The following TRPC5 variants were observed in gnomAD, a reference collection of about 807,000 sequenced individuals.
TRPC5 encodes the protein short transient receptor potential channel 5.
Under a neutral mutation model 56.5 loss-of-function variants are expected in TRPC5, and 9 were observed. The observed-to-expected ratio is 0.16, with a 90% CI of 0.10 to 0.28. The LOEUF (loss-of-function observed/expected upper bound fraction) is 0.28, where lower values mean the gene tolerates loss of function less well. Ranked by LOEUF, TRPC5 falls within the 10% of genes least tolerant of loss-of-function variation. The pLI, the probability that TRPC5 is intolerant of heterozygous loss-of-function variation, is 1.00. For missense variants in TRPC5, 469 were observed against 748.9 expected, an observed-to-expected ratio of 0.63 and a Z score of 4.36; for synonymous variants, 282 against 278.5, an observed-to-expected ratio of 1.01 and a Z score of -0.13.
At chrX:111,857,498 C>T (rs958430446) in intron 3 of TRPC5, among the ~76,000 whole-genome samples, 1 of 112,093 alleles carries the variant, frequency 8.9e-6, no homozygotes, top group Non-Finnish European at 1.9e-5. Context: ...AAGTGCATGC[C>T]TTTTTAAGAC....
At chrX:112,076,419 T>C (rs1160020508) in intron 1 of TRPC5, among the ~76,000 whole-genome samples, 1 of 111,584 alleles carries the variant, frequency 9.0e-6, no homozygotes, top group African/African-American at 3.3e-5. Context: ...CACCATGGGC[T>C]GGGAAGAGGT....
intron 7 of TRPC5, among the ~76,000 whole-genome samples, chrX:111,830,610 G>A (rs1475445905): frequency 9.0e-6 from 1 of 111,544 alleles, no homozygotes; most frequent in Non-Finnish European, 1.9e-5. Flanking sequence ...GAGTTCTCAT[G>A]AGATCTGACA....
chrX:111,806,975 T>C (rs961371551), intron 7 of TRPC5, among the ~76,000 whole-genome samples: 1 of 112,072 alleles, frequency 8.9e-6, no homozygotes, highest in Non-Finnish European at 1.9e-5. Context: ...TTGCTTCTTT[T>C]TTCTTGCTGC....
rs148155594 is a variant in TRPC5, at chrX:111,929,180, A to T, written c.379-16368T>A. 4.5e-3 allele frequency among the ~76,000 whole-genome samples: 509 copies of T among 112,125 alleles called. 2 individuals carry two copies. The highest frequency in any genetic ancestry group is 6.6e-3 in the Non-Finnish European group (353 of 53,194). The stretch of plus-strand genomic sequence containing the variant: ...GCAGGGATTGCTTGTCTTTTGTTAG[A>T]AAAGGGCAGCAACAGTGAATAGGTA... On this transcript the variant is annotated intron_variant, in intron 2 of 10. Coordinates refer to ENST00000262839, the MANE Select transcript of TRPC5 (RefSeq NM_012471.3).
At chrX:111,777,930 C>T (rs912444490) in intron 10 of TRPC5, among the ~76,000 whole-genome samples, 3 of 112,698 alleles carry the variant, frequency 2.7e-5, no homozygotes, top group Non-Finnish European at 5.6e-5. Flanking sequence ...AATTGTTCAT[C>T]ACCCTTTATT....
chrX:111,850,950 C>A (rs752596419), intron 5 of TRPC5, among the ~76,000 whole-genome samples: 1 of 112,268 alleles, frequency 8.9e-6, no homozygotes, highest in African/African-American at 3.2e-5. Flanking sequence ...AAAGGAAGAA[C>A]TTTTCCCTTT....
intron 7 of TRPC5, among the ~76,000 whole-genome samples, chrX:111,785,325 C>T (rs1444800843): frequency 1.8e-5 from 2 of 112,137 alleles, no homozygotes; most frequent in Non-Finnish European, 3.8e-5. Context: ...AGGGACCTGA[C>T]TGTTAGAAGG....
intron 3 of TRPC5, among the ~76,000 whole-genome samples, chrX:111,891,407 A>G (rs996587702): frequency 3.6e-5 from 4 of 112,178 alleles, no homozygotes; most frequent in African/African-American, 1.3e-4. Context: ...ATAGGAGCCA[A>G]GAAATCAGGT....
intron 1 of TRPC5, among the ~76,000 whole-genome samples, chrX:112,012,527 G>A (rs922131438): frequency 9.0e-6 from 1 of 110,889 alleles, no homozygotes; most frequent in African/African-American, 3.3e-5. Flanking sequence ...GGATGGGGGT[G>A]TGTCTTTACT....
intron 1 of TRPC5, among the ~76,000 whole-genome samples, chrX:112,041,060 C>A (rs1007686439): frequency 8.9e-6 from 1 of 111,880 alleles, no homozygotes; most frequent in African/African-American, 3.3e-5. Context: ...TGACTCCTAT[C>A]AGTCTTTGGT....
chrX:112,054,175 A>T (rs1930284274), intron 1 of TRPC5, among the ~76,000 whole-genome samples: 1 of 111,975 alleles, frequency 8.9e-6, no homozygotes, highest in African/African-American at 3.3e-5. Context: ...GTGATGTGGG[A>T]TTAGAAAGTA....
intron 7 of TRPC5, among the ~76,000 whole-genome samples, chrX:111,825,228 TTCTCTCTCTC>T (rs56898407): frequency 1.3e-5 from 1 of 76,085 alleles, no homozygotes; most frequent in Non-Finnish European, 2.3e-5. Flanking sequence ...TCTTCTTTCT[TTCTCTCTCTC>T]TCTCTCTCTC....
chrX:111,993,407 A>G (rs764883023), intron 1 of TRPC5, among the ~76,000 whole-genome samples: 1 of 111,852 alleles, frequency 8.9e-6, no homozygotes, highest in African/African-American at 3.3e-5. Context: ...AATCCTTTGG[A>G]TATATACCCA....
Position 111,781,095 on chromosome X carries a change from G to C in TRPC5, c.2142+70C>G, listed in dbSNP as rs1462716604. 2.9e-6 allele frequency: 3 copies of C among 1,026,461 alleles called. No homozygotes were observed. The Admixed American group carries it at 6.6e-5, about 23-fold the overall frequency. 84.6% of individuals were successfully genotyped at this position (1,026,461 alleles called of 1,213,427 possible). A position where few individuals can be genotyped will look rare whatever the true frequency, so the allele number is the denominator to read the frequency against. On this transcript the variant is annotated intron_variant, in intron 9 of 10. Coordinates refer to ENST00000262839, the MANE Select transcript of TRPC5 (RefSeq NM_012471.3). Reference sequence around the variant, plus strand: ...GGGATCGTGTCCAGACACAGCCAGAGTGAAGTTTGCTTCTCCTCCACAGAA... The same window carrying C: ...GGGATCGTGTCCAGACACAGCCAGACTGAAGTTTGCTTCTCCTCCACAGAA...
At position 111,770,362 on chromosome X, in the gene TRPC5, C is replaced by G. The variant is rs1945835816; in HGVS notation, c.*5951G>C. On this transcript the variant is annotated 3_prime_UTR_variant, in exon 11 of 11. Transcript: ENST00000262839. ...TTTACAGTGATCCCAAGGTTGAGAA[C>G]TTGTTAACATCTGAAATTTAACCCA... Among the ~76,000 whole-genome samples the G allele has an allele frequency of 9.0e-6, 1 of 111,720 alleles. No homozygotes were observed. Among genetic ancestry groups the G allele is most frequent in the African/African-American group, 3.2e-5 (1 of 30,776 alleles).
At chrX:111,865,332 C>CTT (rs60615139) in intron 3 of TRPC5, among the ~76,000 whole-genome samples, 11 of 93,990 alleles carry the variant, frequency 1.2e-4, no homozygotes, top group African/African-American at 3.2e-4. Context: ...CTAGCAGCTT[C>CTT]TTTTTTTTTT....
intron 6 of TRPC5, among the ~76,000 whole-genome samples, chrX:111,836,192 C>A (rs1037933075): frequency 6.3e-5 from 7 of 111,543 alleles, no homozygotes; most frequent in South Asian, 7.7e-4. Flanking sequence ...CAATGATATC[C>A]TTTTGGTGTC....
intron 1 of TRPC5, among the ~76,000 whole-genome samples, chrX:112,055,304 A>G (rs1569530266): frequency 8.9e-6 from 1 of 112,037 alleles, no homozygotes; most frequent in African/African-American, 3.2e-5. Context: ...GCTCTTTGTT[A>G]GCCACATTAC....
intron 7 of TRPC5, among the ~76,000 whole-genome samples, chrX:111,792,057 C>T (rs1487674821): frequency 8.9e-6 from 1 of 112,114 alleles, no homozygotes; most frequent in Non-Finnish European, 1.9e-5. Flanking sequence ...GGAACCAACA[C>T]AAATGCCCAT....
Sources: gnomAD v4.1 joint callset for allele counts (sites outside exome capture counted in the v4.1 genomes callset) on GRCh38, gnomAD v4.1.1 for gene constraint, MANE v1.5 for transcripts, NCBI Gene and HGNC (gene_info 2026-07-23, HGNC 2026-07-21) for gene names.